LIPA: variants seen among roughly 807,000 people sequenced by gnomAD.
LIPA encodes the protein lipase A, lysosomal acid type.
A neutral mutation model predicts 40.6 loss-of-function variants in LIPA; 26 were observed. The ratio of observed to expected loss-of-function variants is 0.64; its 90% CI spans 0.47 to 0.89. The LOEUF is 0.89. Ranked by LOEUF, LIPA falls within the 40% of genes least tolerant of loss-of-function variation. The probability of loss-of-function intolerance (pLI) is 0.00; values close to 1 mark genes in which losing one functional copy is unlikely to be tolerated. For synonymous variants in LIPA, 188 were observed against 168.4 expected (o/e 1.12, Z -0.90); for missense variants, 455 against 479.6 (o/e 0.95, Z 0.48).
At chr10:89,348,344 A>G (rs1843937444) in intron 2 of LIPA, among the ~76,000 whole-genome samples, 1 of 152,198 alleles carries the variant, frequency 6.6e-6, no homozygotes, top group Non-Finnish European at 1.5e-5. Flanking sequence ...AGTCCTATTC[A>G]GCAATCATAT....
chr10:89,360,606 C>T (rs1397074595), intron 2 of LIPA, among the ~76,000 whole-genome samples: 1 of 152,186 alleles, frequency 6.6e-6, no homozygotes, highest in African/African-American at 2.4e-5. Context: ...GTTGGTCAGG[C>T]TGGTCTCGAA....
chr10:89,332,551 C>T, intron 1 of LIPA: 1 of 1,613,642 alleles, frequency 6.2e-7, no homozygotes. Context: ...TCAGCATTTG[C>T]TTGGAATCAG....
chr10:89,373,121 C>T (rs1343436227), intron 2 of LIPA, among the ~76,000 whole-genome samples: 1 of 151,698 alleles, frequency 6.6e-6, no homozygotes, highest in African/African-American at 2.4e-5. Context: ...ATCATGAGGT[C>T]AGGAGATCGA....
chr10:89,411,728 G>A (rs1841470575), intron 2 of LIPA, among the ~76,000 whole-genome samples: 1 of 152,232 alleles, frequency 6.6e-6, no homozygotes, highest in Admixed American at 6.5e-5. Flanking sequence ...AAGGAGGACT[G>A]TGCAGCTTCT....
chr10:89,396,877 T>G (rs1407473212), intron 2 of LIPA, among the ~76,000 whole-genome samples: 1 of 152,260 alleles, frequency 6.6e-6, no homozygotes, highest in African/African-American at 2.4e-5. Context: ...GTGATTCTTC[T>G]TTGGAGAATT....
chr10:89,290,882 C>T lies in LIPA; in HGVS notation c.-1-43233G>A, dbSNP rs142203009. ...CAAAGCCTGTTTGGTGGTCTCTTCACGTGGAAAAGAGTGAAACTATATAAA... is the reference window on the plus strand; with the variant it reads ...CAAAGCCTGTTTGGTGGTCTCTTCATGTGGAAAAGAGTGAAACTATATAAA... On this transcript the variant is annotated intron_variant, in intron 1 of 5. Coordinates refer to the LIPA transcript ENST00000282673. Among the ~76,000 whole-genome samples, 298 of 152,292 alleles carry T rather than the reference C, an allele frequency of 2.0e-3. 2 individuals carry two copies. Among genetic ancestry groups the T allele is most frequent in the Non-Finnish European group, 3.0e-3 (204 of 68,030 alleles).
chr10:89,317,056 GTA>G (rs1440034234), intron 1 of LIPA, among the ~76,000 whole-genome samples: 2 of 152,244 alleles, frequency 1.3e-5, no homozygotes, highest in East Asian at 3.8e-4. Flanking sequence ...AACCCCATCT[GTA>G]TGTCACCATC....
rs951095750 is a variant in LIPA, at chr10:89,228,688, G to A, written c.230-290C>T. Among the ~76,000 whole-genome samples the A allele has an allele frequency of 3.3e-5, 5 of 152,086 alleles. No homozygotes were observed. The South Asian group carries it at 1.0e-3, about 31-fold the overall frequency. Reference sequence around the variant, plus strand: ...ATATATTTTTAAGAAATTATAAAATGTTTTTACAATTTTTTTCTTATAAAA... The same window carrying A: ...ATATATTTTTAAGAAATTATAAAATATTTTTACAATTTTTTTCTTATAAAA... On this transcript the variant is annotated intron_variant, in intron 3 of 9. Coordinates refer to ENST00000336233, the MANE Select transcript of LIPA (RefSeq NM_000235.4).
intron 2 of LIPA, chr10:89,384,381 C>A (rs777311029): frequency 6.2e-7 from 1 of 1,614,106 alleles, no homozygotes; most frequent in Non-Finnish European, 8.5e-7. Flanking sequence ...TAGGCCACCA[C>A]AGAAAGGCTG....
chr10:89,237,136 G>A (rs1265158425), intron 3 of LIPA, among the ~76,000 whole-genome samples: 2 of 152,082 alleles, frequency 1.3e-5, no homozygotes, highest in African/African-American at 2.4e-5. Context: ...AAAATTAGCC[G>A]AGTATGGTTG....
chr10:89,322,368 C>T (rs1184821852), intron 1 of LIPA, among the ~76,000 whole-genome samples: 2 of 152,260 alleles, frequency 1.3e-5, no homozygotes, highest in Middle Eastern at 3.4e-3. Context: ...ATTCGGGATC[C>T]TTCAAGATGT....
chr10:89,233,340 G>A (rs1314450046), intron 3 of LIPA, among the ~76,000 whole-genome samples: 2 of 152,220 alleles, frequency 1.3e-5, no homozygotes, highest in African/African-American at 4.8e-5. Context: ...GCTGGCAGAT[G>A]AGGAAAAGGG....
chr10:89,283,377 G>A (rs1843325888), intron 1 of LIPA, among the ~76,000 whole-genome samples: 1 of 152,182 alleles, frequency 6.6e-6, no homozygotes, highest in South Asian at 2.1e-4. Flanking sequence ...CCTGATTGGT[G>A]AATAATTCTT....
intron 1 of LIPA, among the ~76,000 whole-genome samples, chr10:89,260,676 TTACA>T (rs1313459966): frequency 2.0e-5 from 3 of 152,034 alleles, no homozygotes; most frequent in Admixed American, 6.5e-5. Flanking sequence ...TCCACACACA[TTACA>T]GTGCTTAACA....
chr10:89,317,488 G>C (rs1354521687), intron 1 of LIPA, among the ~76,000 whole-genome samples: 1 of 152,172 alleles, frequency 6.6e-6, no homozygotes, highest in Admixed American at 6.5e-5. Context: ...TCAAATGAAT[G>C]AAATGAAGTG....
chr10:89,307,388 T>G (rs1843489425), intron 1 of LIPA: 1 of 1,574,796 alleles, frequency 6.4e-7, no homozygotes, highest in East Asian at 2.3e-5. Context: ...AATAGAGATG[T>G]GGTGCCCACT....
chr10:89,299,809 C>T (rs1425426739), intron 1 of LIPA, among the ~76,000 whole-genome samples: 1 of 151,880 alleles, frequency 6.6e-6, no homozygotes, highest in African/African-American at 2.4e-5. Context: ...CTCTTATACA[C>T]TGTTGGTAGG....
intron 3 of LIPA, among the ~76,000 whole-genome samples, chr10:89,244,148 T>C (rs972594299): frequency 4.6e-5 from 7 of 152,036 alleles, no homozygotes; most frequent in Non-Finnish European, 8.8e-5. Flanking sequence ...CTGTAAAGCA[T>C]AAAAATCTCA....
intron 2 of LIPA, among the ~76,000 whole-genome samples, chr10:89,398,480 T>C (rs304483): frequency 0.64 from 96,704 of 152,136 alleles, 33,063 homozygotes; most frequent in African/African-American, 0.89. Context: ...TGCTCTTACA[T>C]TGCATACCTG....
Sources: allele counts gnomAD v4.1 joint callset (sites outside exome capture counted in the v4.1 genomes callset), GRCh38; gene constraint gnomAD v4.1.1; transcripts MANE v1.5; gene names NCBI Gene and HGNC (gene_info 2026-07-23, HGNC 2026-07-21).